IQGAP1: variants seen among roughly 807,000 people sequenced by gnomAD.
IQGAP1 encodes the protein IQ motif containing GTPase activating protein 1.
A neutral mutation model predicts 215.6 loss-of-function variants in IQGAP1; 66 were observed. The ratio of observed to expected loss-of-function variants is 0.31; its 90% CI spans 0.25 to 0.38. The LOEUF (loss-of-function observed/expected upper bound fraction) is 0.38. Ranked by LOEUF, IQGAP1 falls within the 10% of genes least tolerant of loss-of-function variation. The pLI is 1.00. For missense variants in IQGAP1, 1,712 were observed against 1,997.1 expected, an observed-to-expected ratio of 0.86 and a Z score of 2.72; for synonymous variants, 772 against 728.7, an observed-to-expected ratio of 1.06 and a Z score of -0.96.
chr15:90,432,389 G>T (rs546200866), intron 4 of IQGAP1, among the ~76,000 whole-genome samples: 2 of 152,070 alleles, frequency 1.3e-5, no homozygotes, highest in African/African-American at 4.8e-5. Flanking sequence ...TACCTCCCCA[G>T]CTCCCATCTC....
intron 15 of IQGAP1, 83 bp from the exon 16 acceptor site, chr15:90,465,918 G>T (rs1035719047): frequency 9.7e-7 from 1 of 1,034,512 alleles, no homozygotes; most frequent in Non-Finnish European, 1.5e-6. Flanking sequence ...ATTTAATTGA[G>T]TCTAGGAAGC....
At chr15:90,436,945 G>A (rs1176494308) in intron 5 of IQGAP1, among the ~76,000 whole-genome samples, 1 of 152,228 alleles carries the variant, frequency 6.6e-6, no homozygotes, top group Non-Finnish European at 1.5e-5. Context: ...AGCTAAGTCA[G>A]TGTTCCTGGT....
Position 90,443,410 on chromosome 15 carries a change from G to C in IQGAP1, c.845G>C (p.Arg282Thr), listed in dbSNP as rs761713635. Residue 282 changes from arginine (R) to threonine (T), a missense_variant, in exon 9 of 38, where the codon AGA (arginine) becomes ACA (threonine). This residue lies in a region of IQGAP1 where 1,021 missense variants were observed against 1,074.2 expected (regional missense o/e 0.95). Coordinates refer to ENST00000268182, the MANE Select transcript of IQGAP1 (RefSeq NM_003870.4). ...NAKNRTENSERERDVYEELLT... is the reference protein window; with the variant it reads ...NAKNRTENSETERDVYEELLT... ...CATCCTCAGACAGAAAACTCAGAGA[G>C]AGAAAGAGATGTTTATGAGGAGCTG... 2 of 1,612,826 alleles carry C rather than the reference G, an allele frequency of 1.2e-6. No individual in the cohort carries two copies. The highest frequency in any genetic ancestry group is 1.7e-4 in the Middle Eastern group (1 of 6,052).
rs967944447 is a variant in IQGAP1, at chr15:90,485,879, T to C, written c.3922-151T>C. ...GGTGCCTTATATATCATATTGTTTA[T>C]TTGGGTTAGTTTGCTGAGGATTTGC... On this transcript the variant is annotated intron_variant, in intron 30 of 37. Transcript: ENST00000268182. The C allele has an allele frequency of 4.0e-5, 24 of 596,030 alleles. No individual in the cohort carries two copies. In the East Asian group the frequency reaches 6.8e-4, roughly 17 times the overall value. The allele number at this position is 596,030 out of a possible 1,614,324, so 36.9% of individuals were successfully genotyped here.
intron 33 of IQGAP1, among the ~76,000 whole-genome samples, chr15:90,488,230 T>TAAATAAATAAATA (rs148489814): frequency 1.1e-4 from 16 of 147,620 alleles, no homozygotes; most frequent in African/African-American, 4.0e-4. Flanking sequence ...CAAAAAATAA[T>TAAATAAATAAATA]AATAAATAAA....
chr15:90,394,339 C>T (rs116609781), intron 2 of IQGAP1, among the ~76,000 whole-genome samples: 1 of 151,892 alleles, frequency 6.6e-6, no homozygotes, highest in Non-Finnish European at 1.5e-5. Flanking sequence ...TTGTTTAAGG[C>T]TTTGATTTTA....
chr15:90,427,747 A>G (rs959493450), intron 3 of IQGAP1, among the ~76,000 whole-genome samples: 13 of 152,150 alleles, frequency 8.5e-5, no homozygotes, highest in Admixed American at 3.9e-4. Context: ...CTCCCAAAAA[A>G]AAAATGGGGA....
At chr15:90,431,082 A>C (rs1475175271) in intron 4 of IQGAP1, 1 of 148,938 alleles carries the variant, frequency 6.7e-6, no homozygotes, top group Admixed American at 6.7e-5. Context: ...TACAACATGT[A>C]ATTATATATT....
At chr15:90,438,464 T>C (rs544811404) in intron 5 of IQGAP1, among the ~76,000 whole-genome samples, 1 of 152,300 alleles carries the variant, frequency 6.6e-6, no homozygotes, top group East Asian at 1.9e-4. Flanking sequence ...TAGTTGATTT[T>C]TTTTTAAGTT....
intron 15 of IQGAP1, among the ~76,000 whole-genome samples, chr15:90,465,317 A>G (rs1965815122): frequency 6.6e-6 from 1 of 152,200 alleles, no homozygotes; most frequent in East Asian, 1.9e-4. Flanking sequence ...TTGGCAAAGG[A>G]GGCTTTCAAA....
At chr15:90,487,323 T>C (rs553464845) in intron 32 of IQGAP1, 172 bp from the exon 33 acceptor site, 2 of 659,252 alleles carry the variant, frequency 3.0e-6, no homozygotes, top group African/African-American at 3.6e-5. Flanking sequence ...CGTACCTACT[T>C]ATGGAATGGC....
At position 90,466,057 on chromosome 15, in the gene IQGAP1, G is replaced by A; in HGVS notation, c.1833G>A (p.Trp611Ter). ...TGGATGAAATTCAAGGTGGAATCTGGCAGTCCAACAAAGACACCCAAGAAG... is the reference window on the plus strand; with the variant it reads ...TGGATGAAATTCAAGGTGGAATCTGACAGTCCAACAAAGACACCCAAGAAG... ...LWLDEIQGGI[W>*]QSNKDTQEAQ... is the part of the protein sequence containing the mutation. Residue 611 changes from tryptophan (W) to a stop codon, truncating the protein, a stop_gained, in exon 16 of 38, where the codon TGG becomes TGA. Transcript: ENST00000268182. LOFTEE classifies it high-confidence loss of function. The A allele has an allele frequency of 1.2e-6, 2 of 1,614,088 alleles. No individual in the cohort carries two copies. The highest frequency in any genetic ancestry group is 1.7e-6 in the Non-Finnish European group (2 of 1,179,988).
At chr15:90,444,476 G>T (rs1965499594) in intron 9 of IQGAP1, among the ~76,000 whole-genome samples, 1 of 151,942 alleles carries the variant, frequency 6.6e-6, no homozygotes, top group Admixed American at 6.6e-5. Context: ...AAGAGACAGG[G>T]TCTCGCTCTG....
chr15:90,473,097 T>G, intron 19 of IQGAP1, 87 bp downstream of exon 19: 1 of 1,283,314 alleles, frequency 7.8e-7, no homozygotes, highest in Non-Finnish European at 1.1e-6. Flanking sequence ...ACTGTCTGAG[T>G]GTGTTTTTTG....
chr15:90,480,220 TAA>T (rs999179798), intron 26 of IQGAP1, among the ~76,000 whole-genome samples: 29 of 92,442 alleles, frequency 3.1e-4, no homozygotes, highest in African/African-American at 4.9e-4. Flanking sequence ...CCCCATATCT[TAA>T]AAAAAAAAAA....
At position 90,391,731 on chromosome 15, in the gene IQGAP1, C is replaced by T. The variant is rs184177579; in HGVS notation, c.155+858C>T. 22 of 152,216 alleles carry T rather than the reference C, an allele frequency of 1.4e-4. No individual in the cohort carries two copies. The East Asian group carries it at 3.7e-3, about 25-fold the overall frequency. The allele number at this position is 152,216 out of a possible 1,614,324, so 9.4% of individuals were successfully genotyped here. A position where few individuals can be genotyped will look rare whatever the true frequency, so the allele number is the denominator to read the frequency against. On this transcript the variant is annotated intron_variant, in intron 2 of 37. Transcript: ENST00000268182. Reference sequence around the variant, plus strand: ...TTCAGATGCCCCACAACCTTGTGGTCTTAATTTTAGAGTGTCATTTTGTTA... The same window carrying T: ...TTCAGATGCCCCACAACCTTGTGGTTTTAATTTTAGAGTGTCATTTTGTTA...
chr15:90,472,575 A>G (rs2158407), intron 18 of IQGAP1, among the ~76,000 whole-genome samples: 29,889 of 151,906 alleles, frequency 0.2, 4,031 homozygotes, highest in African/African-American at 0.38. Flanking sequence ...TCAGTGTTGG[A>G]TAGGTAGATA....
intron 23 of IQGAP1, 128 bp downstream of exon 23, chr15:90,474,821 T>A: frequency 1.5e-6 from 1 of 665,060 alleles, no homozygotes; most frequent in Non-Finnish European, 2.6e-6. Context: ...AAGAGCTTTT[T>A]TTTTTTCTTT....
At chr15:90,389,467 C>T (rs1255490000) in intron 1 of IQGAP1, among the ~76,000 whole-genome samples, 8 of 151,466 alleles carry the variant, frequency 5.3e-5, no homozygotes, top group Non-Finnish European at 1.0e-4. Flanking sequence ...TGCAGTCTCC[C>T]GAGTACAGGC....
Sources: allele counts gnomAD v4.1 joint callset (sites outside exome capture counted in the v4.1 genomes callset), GRCh38; gene constraint gnomAD v4.1.1; regional missense constraint gnomAD v4.1.1; transcripts MANE v1.5; gene names NCBI Gene and HGNC (gene_info 2026-07-23, HGNC 2026-07-21).